PCDHA13: variants seen among roughly 807,000 people sequenced by gnomAD.
PCDHA13 encodes the protein protocadherin alpha-13.
PCDHA13 carries 54 observed loss-of-function variants against 64.8 expected under a neutral mutation model. The ratio of observed to expected loss-of-function variants is 0.83; its 90% CI spans 0.67 to 1.04. The LOEUF is 1.04. Ranked by LOEUF, PCDHA13 falls within the 50% of genes least tolerant of loss-of-function variation. The probability of loss-of-function intolerance (pLI) is 0.00; values close to 1 mark genes in which losing one functional copy is unlikely to be tolerated. For synonymous variants in PCDHA13, 587 were observed against 564.4 expected (o/e 1.04, Z -0.57); for missense variants, 1,248 against 1,254.3 (o/e 0.99, Z 0.08).
In PCDHA13 at chr5:140,928,822, C is replaced by G. The variant is rs782187448; in HGVS notation, c.2394+44160C>G. ...GGTAGTGGTTCGGGACCATGGAGAC[C>G]CACCACTTTCCTCCTCTGTCACTCT... On this transcript the variant is annotated intron_variant, in intron 1 of 3. Coordinates refer to ENST00000289272, the MANE Select transcript of PCDHA13 (RefSeq NM_018904.3). 6 of 1,614,116 alleles carry G rather than the reference C, an allele frequency of 3.7e-6. No individual in the cohort carries two copies. The South Asian group carries it at 6.6e-5, about 18-fold the overall frequency.
intron 1 of PCDHA13, among the ~76,000 whole-genome samples, chr5:140,960,594 G>A (rs1341832093): frequency 6.6e-6 from 1 of 152,042 alleles, no homozygotes; most frequent in African/African-American, 2.4e-5. Flanking sequence ...CAAATTCAAG[G>A]TACTTCAACA....
At chr5:140,940,611 C>T (rs782735444) in intron 1 of PCDHA13, among the ~76,000 whole-genome samples, 1 of 152,144 alleles carries the variant, frequency 6.6e-6, no homozygotes. Flanking sequence ...CTGCTCCTGG[C>T]TCCTGCAAAT....
intron 1 of PCDHA13, among the ~76,000 whole-genome samples, chr5:140,934,797 T>G (rs1045887352): frequency 2.4e-4 from 36 of 152,236 alleles, no homozygotes; most frequent in Admixed American, 1.4e-3. Context: ...CAATTATCTT[T>G]TTAATGATCA....
At chr5:140,991,682 C>G (rs1234700322) in intron 3 of PCDHA13, among the ~76,000 whole-genome samples, 2 of 152,170 alleles carry the variant, frequency 1.3e-5, no homozygotes, top group Non-Finnish European at 2.9e-5. Context: ...TCTGAGTCCT[C>G]TCTAGTAGAG....
intron 1 of PCDHA13, 66 bp from the exon 2 acceptor site, chr5:140,978,883 T>C: frequency 6.2e-7 from 1 of 1,611,182 alleles, no homozygotes; most frequent in Non-Finnish European, 8.5e-7. Flanking sequence ...ACTAATCAAT[T>C]AGCAGCATTC....
At chr5:140,967,354 C>T in intron 1 of PCDHA13, 1 of 1,607,952 alleles carries the variant, frequency 6.2e-7, no homozygotes, top group South Asian at 1.1e-5. Flanking sequence ...TCGAGCTGGA[C>T]CTTAAGCCCC....
chr5:140,930,912 T>C (rs1205979304), intron 1 of PCDHA13, among the ~76,000 whole-genome samples: 3 of 152,196 alleles, frequency 2.0e-5, no homozygotes, highest in Non-Finnish European at 4.4e-5. Flanking sequence ...TTTTCTACTT[T>C]AGATGTGTAT....
intron 1 of PCDHA13, among the ~76,000 whole-genome samples, chr5:140,890,293 A>G (rs1423277316): frequency 6.6e-6 from 1 of 152,196 alleles, no homozygotes; most frequent in African/African-American, 2.4e-5. Flanking sequence ...AGTCAGAACC[A>G]GGAGAGGTAA....
chr5:140,972,355 G>A (rs1190163389), intron 1 of PCDHA13, among the ~76,000 whole-genome samples: 3 of 150,946 alleles, frequency 2.0e-5, no homozygotes, highest in Admixed American at 2.0e-4. Context: ...TCACTATGTT[G>A]CACATGCTGT....
intron 1 of PCDHA13, among the ~76,000 whole-genome samples, chr5:140,946,611 A>AATATATATATATATATATATAT (rs1554217734): frequency 0.012 from 1,017 of 86,324 alleles, 26 homozygotes; most frequent in Middle Eastern, 0.016. Flanking sequence ...GAAAATGTGA[A>AATATATATATATATATATATAT]ATATATATAT....
chr5:140,926,128 CGCAGCAGGATCCAGCGCGGAAAGCTCT>C (rs1157627097), intron 1 of PCDHA13, among the ~76,000 whole-genome samples: 1 of 152,278 alleles, frequency 6.6e-6, no homozygotes, highest in East Asian at 1.9e-4. Flanking sequence ...GACTTCAACC[CGCAGCAGGATCCAGCGCGGAAAGCTCT>C]GCAGCAGGAT....
intron 3 of PCDHA13, among the ~76,000 whole-genome samples, chr5:140,990,425 T>G (rs1268987059): frequency 6.6e-6 from 1 of 152,214 alleles, no homozygotes; most frequent in Non-Finnish European, 1.5e-5. Context: ...CAACCAGCAT[T>G]GACCCAATCT....
intron 3 of PCDHA13, among the ~76,000 whole-genome samples, chr5:141,002,612 C>G (rs1487847560): frequency 1.3e-5 from 2 of 152,178 alleles, no homozygotes; most frequent in Non-Finnish European, 2.9e-5. Context: ...AAAACAGACA[C>G]ATAACACAGA....
chr5:140,891,399 C>T (rs979878059), intron 1 of PCDHA13, among the ~76,000 whole-genome samples: 12 of 151,644 alleles, frequency 7.9e-5, no homozygotes, highest in African/African-American at 2.4e-4. Context: ...TTTTATCCCT[C>T]GCCACCCCCC....
intron 3 of PCDHA13, among the ~76,000 whole-genome samples, chr5:140,999,965 T>C (rs1439660759): frequency 1.3e-5 from 2 of 151,684 alleles, no homozygotes; most frequent in African/African-American, 4.8e-5. Flanking sequence ...TACCCAGGAG[T>C]AGCAGCTCTA....
chr5:140,884,414 C>G lies in PCDHA13; in HGVS notation c.2146C>G (p.Leu716Val). 2 of 1,614,008 alleles carry G rather than the reference C, an allele frequency of 1.2e-6. No individual in the cohort carries two copies. The highest frequency in any genetic ancestry group is 1.7e-6 in the Non-Finnish European group (2 of 1,179,892). ...GTCCAGCCTGTTGGTGCTCACGTTGCTGCTGTATACTGCGCTGCGGTGCTC... is the reference window on the plus strand; with the variant it reads ...GTCCAGCCTGTTGGTGCTCACGTTGGTGCTGTATACTGCGCTGCGGTGCTC... ...AVSSLLVLTL[L>V]LYTALRCSAP... The change falls in exon 1 of 4, where the codon CTG (leucine) becomes GTG (valine). Residue 716 changes from leucine (L) to valine (V), a missense_variant. Leu to Val is a conservative substitution (Grantham distance 32). Transcript: ENST00000289272.
At chr5:140,986,163 G>A (rs1186387690) in intron 3 of PCDHA13, among the ~76,000 whole-genome samples, 1 of 152,212 alleles carries the variant, frequency 6.6e-6, no homozygotes, top group African/African-American at 2.4e-5. Flanking sequence ...AATGTTTTCT[G>A]CAGGATAAAC....
intron 1 of PCDHA13, among the ~76,000 whole-genome samples, chr5:140,948,646 G>A (rs1030231985): frequency 3.3e-5 from 5 of 151,616 alleles, no homozygotes; most frequent in South Asian, 2.1e-4. Context: ...ATCTTTTAAC[G>A]TCTGTATAAT....
At chr5:140,969,821 T>C (rs1358078633) in intron 1 of PCDHA13, among the ~76,000 whole-genome samples, 3 of 152,250 alleles carry the variant, frequency 2.0e-5, no homozygotes, top group Non-Finnish European at 4.4e-5. Flanking sequence ...TACTCTGGAC[T>C]GTCTACAGTG....
Sources: allele counts gnomAD v4.1 joint callset (sites outside exome capture counted in the v4.1 genomes callset), GRCh38; gene constraint gnomAD v4.1.1; transcripts MANE v1.5; gene names NCBI Gene and HGNC (gene_info 2026-07-23, HGNC 2026-07-21).